Variants in CAMK2D observed in about 807,000 individuals in gnomAD.
CAMK2D encodes calcium/calmodulin dependent protein kinase II delta.
Under a neutral mutation model 84.0 loss-of-function variants are expected in CAMK2D, and 37 were observed. The observed-to-expected ratio is 0.44, with a 90% confidence interval of 0.34 to 0.58. The LOEUF (loss-of-function observed/expected upper bound fraction) is 0.58. Ranked by LOEUF, CAMK2D falls within the 20% of genes least tolerant of loss-of-function variation. The pLI is 0.02. For missense variants in CAMK2D, 448 were observed against 652.5 expected, an observed-to-expected ratio of 0.69 and a Z score of 3.41; for synonymous variants, 202 against 212.5, an observed-to-expected ratio of 0.95 and a Z score of 0.43.
rs1162882198 is a variant in CAMK2D, at chr4:113,641,947, T to C, written c.220+19766A>G. On this transcript the variant is annotated intron_variant, in intron 3 of 20. Transcript: ENST00000511664. ...ATCACTTGAACCCGGGAGGTGGAGG[T>C]TGCGGTGAGTCAAGATCATGCCACT... Among the ~76,000 whole-genome samples the C allele has an allele frequency of 7.9e-5, 12 of 151,766 alleles. No homozygotes were observed. The East Asian group carries it at 2.1e-3, about 27-fold the overall frequency.
intron 14 of CAMK2D, among the ~76,000 whole-genome samples, chr4:113,503,749 C>T (rs1294262766): frequency 1.3e-5 from 2 of 151,962 alleles, no homozygotes; most frequent in Non-Finnish European, 2.9e-5. Flanking sequence ...TATGGGTTTT[C>T]TATTGTTTTC....
chr4:113,694,741 A>T (rs1161402375), intron 2 of CAMK2D, among the ~76,000 whole-genome samples: 2 of 152,214 alleles, frequency 1.3e-5, no homozygotes, highest in Admixed American at 1.3e-4. Flanking sequence ...AGTTTTAATA[A>T]GCTTTTCCTT....
intron 6 of CAMK2D, among the ~76,000 whole-genome samples, chr4:113,547,049 C>CAAA (rs2154195439): frequency 6.6e-6 from 1 of 152,184 alleles, no homozygotes; most frequent in Non-Finnish European, 1.5e-5. Flanking sequence ...GCTTTCTTTA[C>CAAA]ATCTGTAGTT....
intron 3 of CAMK2D, among the ~76,000 whole-genome samples, chr4:113,636,680 A>G (rs1186570494): frequency 6.6e-6 from 1 of 152,106 alleles, no homozygotes; most frequent in Non-Finnish European, 1.5e-5. Flanking sequence ...TGTGAACTCA[A>G]ATAGTGGAGA....
chr4:113,559,004 C>A (rs953726925), intron 4 of CAMK2D, among the ~76,000 whole-genome samples: 20 of 151,738 alleles, frequency 1.3e-4, no homozygotes, highest in Non-Finnish European at 4.4e-5. Flanking sequence ...ATACTAAAAT[C>A]GAATATTAAT....
intron 3 of CAMK2D, among the ~76,000 whole-genome samples, chr4:113,640,933 T>C (rs1006552050): frequency 2.0e-5 from 3 of 152,224 alleles, no homozygotes; most frequent in East Asian, 3.8e-4. Context: ...CTAAATCTTA[T>C]CCTTTCAGAT....
intron 4 of CAMK2D, among the ~76,000 whole-genome samples, chr4:113,560,260 A>G (rs1480921999): frequency 6.6e-6 from 1 of 151,884 alleles, no homozygotes; most frequent in South Asian, 2.1e-4. Context: ...AAATACAAAT[A>G]GCTTCATGGA....
intron 16 of CAMK2D, among the ~76,000 whole-genome samples, chr4:113,498,813 T>C (rs1055016281): frequency 2.6e-5 from 4 of 152,210 alleles, no homozygotes; most frequent in African/African-American, 4.8e-5. Context: ...TATACATTAA[T>C]GTTTACATAG....
intron 12 of CAMK2D, among the ~76,000 whole-genome samples, chr4:113,511,441 C>T (rs1343090270): frequency 6.6e-6 from 1 of 152,092 alleles, no homozygotes; most frequent in East Asian, 1.9e-4. Flanking sequence ...TGGGTACATA[C>T]ATTAATAAAG....
intron 4 of CAMK2D, among the ~76,000 whole-genome samples, chr4:113,588,178 A>C (rs748641463): frequency 6.2e-4 from 95 of 152,258 alleles, no homozygotes; most frequent in Non-Finnish European, 1.2e-3. Context: ...GGGTTTGAGA[A>C]AGAAAATGAC....
intron 4 of CAMK2D, among the ~76,000 whole-genome samples, chr4:113,556,316 C>G (rs944030432): frequency 1.3e-5 from 2 of 152,158 alleles, no homozygotes; most frequent in Non-Finnish European, 1.5e-5. Flanking sequence ...TAGCTTGCCC[C>G]TTGGACACAA....
At chr4:113,531,450 T>G (rs2098457556) in intron 7 of CAMK2D, 151 bp from the exon 8 acceptor site, 2 of 615,312 alleles carry the variant, frequency 3.3e-6, no homozygotes, top group Non-Finnish European at 5.8e-6. Context: ...TAGTGTAGAC[T>G]TTCTCTTTAT....
chr4:113,473,720 G>A (rs1283995166), intron 16 of CAMK2D, among the ~76,000 whole-genome samples: 2 of 152,108 alleles, frequency 1.3e-5, no homozygotes, highest in African/African-American at 4.8e-5. Flanking sequence ...ATAGTTAACT[G>A]GGGAAGAAGT....
chr4:113,592,947 G>A lies in CAMK2D; in HGVS notation c.275+16205C>T, dbSNP rs566457990. Among the ~76,000 whole-genome samples the A allele has an allele frequency of 1.6e-3, 239 of 152,112 alleles. 1 individual carries two copies. Among genetic ancestry groups the A allele is most frequent in the Non-Finnish European group, 2.9e-3 (195 of 67,986 alleles). ...CAGTTTACTGCAGCCTCTGCCTCCC[G>A]GGTTCCAGTGATTCTCCTGCCTCAG... On this transcript the variant is annotated intron_variant, in intron 4 of 20. Transcript: ENST00000511664.
chr4:113,497,306 A>G (rs997291307), intron 16 of CAMK2D, among the ~76,000 whole-genome samples: 3 of 152,214 alleles, frequency 2.0e-5, no homozygotes, highest in Non-Finnish European at 4.4e-5. Flanking sequence ...AGAGAAGCAC[A>G]TGGAAGTCAG....
At chr4:113,591,458 C>T (rs1206111278) in intron 4 of CAMK2D, among the ~76,000 whole-genome samples, 3 of 152,130 alleles carry the variant, frequency 2.0e-5, no homozygotes, top group Admixed American at 6.6e-5. Flanking sequence ...CACTTTTATT[C>T]GCTCCCACTG....
chr4:113,520,977 C>T (rs1219750581), intron 8 of CAMK2D, among the ~76,000 whole-genome samples: 2 of 143,106 alleles, frequency 1.4e-5, no homozygotes, highest in African/African-American at 5.0e-5. Context: ...CACAGTGAAC[C>T]ATGATCACAT....
intron 14 of CAMK2D, among the ~76,000 whole-genome samples, chr4:113,504,700 C>G (rs1364750131): frequency 6.6e-6 from 1 of 151,948 alleles, no homozygotes; most frequent in African/African-American, 2.4e-5. Flanking sequence ...GTAATTCCAA[C>G]TACAGAGACC....
chr4:113,678,399 T>C (rs1006998896), intron 2 of CAMK2D, among the ~76,000 whole-genome samples: 4 of 152,170 alleles, frequency 2.6e-5, no homozygotes, highest in Admixed American at 1.3e-4. Context: ...ATTCTCTTCG[T>C]GACATCAGTG....
Sources: gnomAD v4.1 joint callset for allele counts (sites outside exome capture counted in the v4.1 genomes callset) on GRCh38, gnomAD v4.1.1 for gene constraint, MANE v1.5 for transcripts, NCBI Gene and HGNC (gene_info 2026-07-23, HGNC 2026-07-21) for gene names.